The following ZNF385D variants were observed in gnomAD, a reference collection of about 807,000 sequenced individuals.
ZNF385D encodes the protein zinc finger protein 385D, also known as zinc finger protein 659.
In ZNF385D, 15 loss-of-function variants were observed where a neutral mutation model predicts 35.8. The ratio of observed to expected loss-of-function variants is 0.42; its 90% CI spans 0.28 to 0.64. The LOEUF (loss-of-function observed/expected upper bound fraction) is 0.64. Among genes scored for constraint, ZNF385D ranks in the 30% least tolerant of loss-of-function variants. The pLI is 0.23. For missense variants in ZNF385D, 474 were observed against 494.6 expected, an observed-to-expected ratio of 0.96 and a Z score of 0.39; for synonymous variants, 212 against 186.8, an observed-to-expected ratio of 1.13 and a Z score of -1.10.
chr3:21,829,336 G>A (rs1022043744), intron 3 of ZNF385D, among the ~76,000 whole-genome samples: 1 of 152,044 alleles, frequency 6.6e-6, no homozygotes, highest in Non-Finnish European at 1.5e-5. Flanking sequence ...ATAATGAGAA[G>A]GAGGCAAAGA....
intron 3 of ZNF385D, among the ~76,000 whole-genome samples, chr3:21,891,004 G>C (rs1698828337): frequency 6.6e-6 from 1 of 152,136 alleles, no homozygotes; most frequent in Admixed American, 6.5e-5. Flanking sequence ...AACCCACTTG[G>C]AACTGGACTA....
intron 3 of ZNF385D, among the ~76,000 whole-genome samples, chr3:21,522,370 C>T (rs1021762858): frequency 6.6e-6 from 1 of 151,940 alleles, no homozygotes; most frequent in African/African-American, 2.4e-5. Context: ...AAGAGTCTCA[C>T]TCTGTCACCC....
intron 3 of ZNF385D, among the ~76,000 whole-genome samples, chr3:22,105,586 T>A (rs1412030467): frequency 6.6e-6 from 1 of 152,108 alleles, no homozygotes; most frequent in Non-Finnish European, 1.5e-5. Context: ...AGAGAGCTGA[T>A]GGTGTAGATC....
intron 3 of ZNF385D, among the ~76,000 whole-genome samples, chr3:21,841,907 T>C (rs998117117): frequency 2.6e-5 from 4 of 151,662 alleles, no homozygotes; most frequent in African/African-American, 9.7e-5. Context: ...CAGAAATACA[T>C]ACATATATGT....
At chr3:22,164,076 G>C (rs570718560) in intron 3 of ZNF385D, among the ~76,000 whole-genome samples, 1 of 152,226 alleles carries the variant, frequency 6.6e-6, no homozygotes, top group South Asian at 2.1e-4. Flanking sequence ...GGATATGGGG[G>C]ATAGGTAAAA....
chr3:21,704,746 A>C (rs2067835178), intron 1 of ZNF385D, among the ~76,000 whole-genome samples: 1 of 152,160 alleles, frequency 6.6e-6, no homozygotes, highest in South Asian at 2.1e-4. Flanking sequence ...TGTTTTGTTC[A>C]TCACAGTATC....
intron 4 of ZNF385D, among the ~76,000 whole-genome samples, chr3:21,446,805 T>C (rs375885585): frequency 4.6e-5 from 1 of 21,650 alleles, no homozygotes; most frequent in Non-Finnish European, 1.3e-4. Flanking sequence ...AACAAACTTT[T>C]CTTTGAGAGA....
intron 3 of ZNF385D, among the ~76,000 whole-genome samples, chr3:21,951,505 A>C (rs2125299071): frequency 6.6e-6 from 1 of 151,794 alleles, no homozygotes; most frequent in South Asian, 2.1e-4. Flanking sequence ...AACACAGACA[A>C]TTTGACTTCC....
chr3:22,001,911 A>G, intron 3 of ZNF385D, among the ~76,000 whole-genome samples: 1 of 152,080 alleles, frequency 6.6e-6, no homozygotes, highest in African/African-American at 2.4e-5. Context: ...AAATGGAAAT[A>G]TAACATACTA....
At chr3:22,157,680 G>A (rs985450305) in intron 3 of ZNF385D, among the ~76,000 whole-genome samples, 1 of 151,972 alleles carries the variant, frequency 6.6e-6, no homozygotes, top group South Asian at 2.1e-4. Context: ...CTTCTACTGA[G>A]TCACTGAAAT....
chr3:21,923,176 C>G (rs1432548275), intron 3 of ZNF385D, among the ~76,000 whole-genome samples: 1 of 151,932 alleles, frequency 6.6e-6, no homozygotes, highest in East Asian at 1.9e-4. Flanking sequence ...AATGCTATCC[C>G]TCCCCCATCC....
intron 2 of ZNF385D, among the ~76,000 whole-genome samples, chr3:21,609,618 T>A (rs948397650): frequency 4.6e-5 from 7 of 152,216 alleles, no homozygotes; most frequent in Non-Finnish European, 1.0e-4. Context: ...GGCTCGTGAA[T>A]TATGCTGAGC....
intron 2 of ZNF385D, among the ~76,000 whole-genome samples, chr3:21,580,135 TTAG>T (rs2063611192): frequency 6.6e-6 from 1 of 152,130 alleles, no homozygotes; most frequent in South Asian, 2.1e-4. Context: ...ATAATTACAA[TTAG>T]TTTTTCCTGT....
At chr3:21,823,152 T>C (rs1251832689) in intron 3 of ZNF385D, among the ~76,000 whole-genome samples, 1 of 152,290 alleles carries the variant, frequency 6.6e-6, no homozygotes. Flanking sequence ...TATATGTTTA[T>C]TGATATTAAT....
intron 3 of ZNF385D, among the ~76,000 whole-genome samples, chr3:21,797,927 A>T (rs1247111204): frequency 6.6e-6 from 1 of 152,218 alleles, no homozygotes; most frequent in East Asian, 1.9e-4. Context: ...TAACCATGGA[A>T]ATATACCATT....
chr3:21,818,095 G>T lies in ZNF385D; in HGVS notation c.326-153067C>A, dbSNP rs13316823. Among the ~76,000 whole-genome samples the T allele has an allele frequency of 2.6e-5, 4 of 151,632 alleles. No individual in the cohort carries two copies. In the East Asian group the frequency reaches 5.9e-4, roughly 22 times the overall value. On this transcript the variant is annotated intron_variant, in intron 3 of 5. Coordinates refer to the ZNF385D transcript ENST00000494108. The stretch of plus-strand genomic sequence containing the variant: ...TCACAAGGACAGAAAACGAAACACC[G>T]CATGTTCTCACTCATAGGTGGGAAT...
At chr3:21,829,679 G>C (rs1694866233) in intron 3 of ZNF385D, among the ~76,000 whole-genome samples, 2 of 152,092 alleles carry the variant, frequency 1.3e-5, no homozygotes, top group African/African-American at 4.8e-5. Flanking sequence ...AGCAGCTGCA[G>C]TAGCCCAGGT....
At position 21,646,943 on chromosome 3, in the gene ZNF385D, C is replaced by T. The variant is rs889819982; in HGVS notation, c.165+17943G>A. Among the ~76,000 whole-genome samples, 1 of 152,164 alleles carries T rather than the reference C, an allele frequency of 6.6e-6. No individual in the cohort carries two copies. The highest frequency in any genetic ancestry group is 2.4e-5 in the African/African-American group (1 of 41,444). ...ACCAGTCCAAAGTTATTCTCTACTC[C>T]ATCATTTATTCTAAGCTGCCAGTGA... On this transcript the variant is annotated intron_variant, in intron 2 of 7. Transcript: ENST00000281523. This position sits in a 1 kb window ranked among gnomAD's most constrained non-coding sequence, Gnocchi z 4.3.
intron 3 of ZNF385D, among the ~76,000 whole-genome samples, chr3:21,908,134 C>CTATCTATA (rs1200592318): frequency 2.7e-5 from 4 of 146,476 alleles, no homozygotes; most frequent in African/African-American, 7.7e-5. Context: ...ATCTATCTAT[C>CTATCTATA]TATCTATCTA....
Sources: allele counts gnomAD v4.1 joint callset (sites outside exome capture counted in the v4.1 genomes callset), GRCh38; gene constraint gnomAD v4.1.1; non-coding constraint Gnocchi (gnomAD v3.1); transcripts MANE v1.5; gene names NCBI Gene and HGNC (gene_info 2026-07-23, HGNC 2026-07-21).